Variants in TMEM178B observed in about 807,000 individuals in gnomAD.
TMEM178B encodes the protein transmembrane protein 178B.
In TMEM178B, 5 loss-of-function variants were observed where a neutral mutation model predicts 31.0. That is an observed-to-expected ratio of 0.16 (90% confidence interval 0.08 to 0.34). The LOEUF is 0.34. TMEM178B is among the 10% of genes least tolerant of loss of function. TMEM178B has a pLI of 1.00. For missense variants in TMEM178B, 275 were observed against 400.3 expected (o/e 0.69, Z 2.67); for synonymous variants, 164 against 164.0 (o/e 1.00, Z 0.00).
At chr7:141,464,627 C>A (rs1049492848) in intron 3 of TMEM178B, among the ~76,000 whole-genome samples, 10 of 152,172 alleles carry the variant, frequency 6.6e-5, no homozygotes, top group African/African-American at 1.9e-4. Context: ...CTTATTCTTA[C>A]TTTGATGTCC....
chr7:141,352,523 C>A (rs891712070), intron 2 of TMEM178B, among the ~76,000 whole-genome samples: 1 of 152,056 alleles, frequency 6.6e-6, no homozygotes. Flanking sequence ...GGATTACAAG[C>A]ACGCGCCACC....
At chr7:141,355,639 G>C (rs1166150834) in intron 2 of TMEM178B, among the ~76,000 whole-genome samples, 1 of 152,188 alleles carries the variant, frequency 6.6e-6, no homozygotes, top group Non-Finnish European at 1.5e-5. Context: ...GGTTAGGGTT[G>C]TTTTTTCTGC....
At chr7:141,258,265 T>C (rs1797960225) in intron 2 of TMEM178B, among the ~76,000 whole-genome samples, 1 of 152,090 alleles carries the variant, frequency 6.6e-6, no homozygotes, top group Admixed American at 6.6e-5. Context: ...TAACATTGTT[T>C]AGCAGGGATG....
At chr7:141,493,820 T>C in the TMEM178B span, among the ~76,000 whole-genome samples, 1 of 152,182 alleles carries the variant, frequency 6.6e-6, no homozygotes, top group Non-Finnish European at 1.5e-5. Flanking sequence ...AATATACATT[T>C]TTCTCTAGAA....
intron 1 of TMEM178B, among the ~76,000 whole-genome samples, chr7:141,094,352 T>C (rs973628895): frequency 3.3e-5 from 5 of 152,212 alleles, no homozygotes; most frequent in Non-Finnish European, 7.3e-5. Flanking sequence ...GAAGAGAGTT[T>C]CTATAGTACT....
intron 2 of TMEM178B, among the ~76,000 whole-genome samples, chr7:141,368,064 A>G (rs1451777416): frequency 3.9e-5 from 6 of 152,198 alleles, no homozygotes; most frequent in Admixed American, 2.6e-4. Flanking sequence ...CACGCCTGTA[A>G]TCCCAGCACT....
intron 2 of TMEM178B, among the ~76,000 whole-genome samples, chr7:141,324,615 C>T (rs1276218381): frequency 2.6e-5 from 4 of 151,526 alleles, no homozygotes; most frequent in African/African-American, 9.7e-5. Flanking sequence ...CTTTACAGCT[C>T]TTCTCATTTA....
chr7:141,315,291 T>C (rs1798981198), intron 2 of TMEM178B, among the ~76,000 whole-genome samples: 1 of 152,156 alleles, frequency 6.6e-6, no homozygotes, highest in Admixed American at 6.5e-5. Flanking sequence ...CTGTGCAAAC[T>C]CTTTACCATT....
chr7:141,120,894 G>A (rs1363902189), intron 1 of TMEM178B, among the ~76,000 whole-genome samples: 1 of 151,910 alleles, frequency 6.6e-6, no homozygotes. Flanking sequence ...GAGCCCATGA[G>A]GTCAAGGCTG....
chr7:141,429,846 T>A lies in TMEM178B; in HGVS notation c.497-7762T>A, dbSNP rs1200054853. 4 of 152,172 alleles carry A rather than the reference T, an allele frequency of 2.6e-5. No individual in the cohort carries two copies. The South Asian group carries it at 8.3e-4, about 32-fold the overall frequency. 9.4% of individuals were successfully genotyped at this position (152,172 alleles called of 1,614,324 possible). A position where few individuals can be genotyped will look rare whatever the true frequency, so the allele number is the denominator to read the frequency against. On this transcript the variant is annotated intron_variant, in intron 2 of 3. Coordinates refer to ENST00000565468, the MANE Select transcript of TMEM178B (RefSeq NM_001195278.2). Reference sequence around the variant, plus strand: ...CTGTCAATTAAAAAAGTGAAAAATATATAATTACATTATGATGCGGAACCA... The same window carrying A: ...CTGTCAATTAAAAAAGTGAAAAATAAATAATTACATTATGATGCGGAACCA...
intron 1 of TMEM178B, among the ~76,000 whole-genome samples, chr7:141,100,999 C>T (rs1007465176): frequency 2.6e-5 from 4 of 152,184 alleles, no homozygotes; most frequent in Non-Finnish European, 4.4e-5. Context: ...CATAGATACA[C>T]ATATTTTGAC....
intron 1 of TMEM178B, among the ~76,000 whole-genome samples, chr7:141,119,843 C>T (rs898749847): frequency 4.6e-5 from 7 of 152,252 alleles, no homozygotes; most frequent in South Asian, 2.1e-4. Context: ...GAGGGCATTG[C>T]GGGCTCTCTT....
chr7:141,115,247 G>T (rs2129175654), intron 1 of TMEM178B, among the ~76,000 whole-genome samples: 1 of 151,526 alleles, frequency 6.6e-6, no homozygotes, highest in Admixed American at 6.6e-5. Context: ...AGGGTTTCAG[G>T]CCAGGCTGGT....
At chr7:141,426,928 G>T (rs368664380) in intron 2 of TMEM178B, among the ~76,000 whole-genome samples, 3 of 151,886 alleles carry the variant, frequency 2.0e-5, no homozygotes, top group African/African-American at 7.3e-5. Flanking sequence ...ACACTAATAG[G>T]AAACTATTTG....
intron 1 of TMEM178B, among the ~76,000 whole-genome samples, chr7:141,164,980 A>T (rs1796236455): frequency 6.6e-6 from 1 of 152,328 alleles, no homozygotes; most frequent in East Asian, 1.9e-4. Flanking sequence ...CCTTTTTGAA[A>T]GACATTTTAT....
At chr7:141,437,766 T>A (rs747905296) in intron 3 of TMEM178B, 21 bp downstream of exon 3, 1 of 1,535,996 alleles carries the variant, frequency 6.5e-7, no homozygotes, top group Non-Finnish European at 8.7e-7. Flanking sequence ...GGGCTCGGCT[T>A]GTGGGTGGCA....
intron 2 of TMEM178B, among the ~76,000 whole-genome samples, chr7:141,251,402 T>G (rs999352301): frequency 1.3e-5 from 2 of 151,954 alleles, no homozygotes; most frequent in African/African-American, 4.8e-5. Flanking sequence ...AGGGGTGTGA[T>G]GCAAGACAGT....
At chr7:141,319,592 G>T (rs1237991866) in intron 2 of TMEM178B, among the ~76,000 whole-genome samples, 1 of 151,656 alleles carries the variant, frequency 6.6e-6, no homozygotes, top group African/African-American at 2.4e-5. Flanking sequence ...TCACTCTATT[G>T]CCCAGGCTGG....
At position 141,151,885 on chromosome 7, in the gene TMEM178B, T is replaced by A. The variant is rs140489845; in HGVS notation, c.383-60706T>A. On this transcript the variant is annotated intron_variant, in intron 1 of 3. Coordinates refer to ENST00000565468, the MANE Select transcript of TMEM178B (RefSeq NM_001195278.2). Reference sequence around the variant, plus strand: ...TCAGGTCCCTTCTGGCCACACTGTGTCCTGTGGGCTCCACAGCATGGATGC... The same window carrying A: ...TCAGGTCCCTTCTGGCCACACTGTGACCTGTGGGCTCCACAGCATGGATGC... Among the ~76,000 whole-genome samples, 92 of 152,282 alleles carry A rather than the reference T, an allele frequency of 6.0e-4. 1 individual carries two copies. The highest frequency in any genetic ancestry group is 2.1e-3 in the African/African-American group (86 of 41,554).
Sources: gnomAD v4.1 joint callset for allele counts (sites outside exome capture counted in the v4.1 genomes callset) on GRCh38, gnomAD v4.1.1 for gene constraint, MANE v1.5 for transcripts, NCBI Gene and HGNC (gene_info 2026-07-23, HGNC 2026-07-21) for gene names.